The following CDH17 variants were observed in gnomAD, a reference collection of about 807,000 sequenced individuals.
The protein encoded by CDH17 is cadherin-17.
CDH17 carries 67 observed loss-of-function variants against 86.3 expected under a neutral mutation model. The observed-to-expected ratio is 0.78, with a 90% CI of 0.64 to 0.95. CDH17 has a LOEUF of 0.95. Among genes scored for constraint, CDH17 ranks in the 40% least tolerant of loss-of-function variants. The pLI is 0.00. For missense variants in CDH17, 993 were observed against 1,017.6 expected (o/e 0.98, Z 0.33); for synonymous variants, 367 against 366.4 (o/e 1.00, Z -0.02).
chr8:94,138,752 T>G (rs1196561689), intron 15 of CDH17, among the ~76,000 whole-genome samples: 5 of 152,208 alleles, frequency 3.3e-5, no homozygotes, highest in Non-Finnish European at 7.3e-5. Context: ...TCATAATTCA[T>G]GTGCTACCAG....
intron 12 of CDH17, among the ~76,000 whole-genome samples, chr8:94,157,426 G>A (rs1812967654): frequency 6.6e-6 from 1 of 152,136 alleles, no homozygotes; most frequent in Non-Finnish European, 1.5e-5. Flanking sequence ...AACATTTGGT[G>A]TGTCCTAATC....
At chr8:94,199,062 TATATATATATATATA>T (rs1563589421) in intron 1 of CDH17, among the ~76,000 whole-genome samples, 1 of 22,224 alleles carries the variant, frequency 4.5e-5, no homozygotes, top group African/African-American at 1.3e-4. Context: ...TATATATATA[TATATATATATATATA>T]TATATATTTT....
At chr8:94,136,500 A>G (rs955212999) in intron 15 of CDH17, among the ~76,000 whole-genome samples, 1 of 152,124 alleles carries the variant, frequency 6.6e-6, no homozygotes, top group South Asian at 2.1e-4. Context: ...CAGGTCATTT[A>G]AGGTCTTCTC....
chr8:94,160,243 A>G, intron 11 of CDH17, 81 bp from the exon 12 acceptor site: 1 of 1,077,624 alleles, frequency 9.3e-7, no homozygotes, highest in Non-Finnish European at 1.4e-6. Flanking sequence ...CTCTGGTTTC[A>G]GAATAGACAC....
chr8:94,175,234 A>T (rs549331762), intron 5 of CDH17, among the ~76,000 whole-genome samples: 2 of 152,214 alleles, frequency 1.3e-5, no homozygotes, highest in African/African-American at 4.8e-5. Context: ...GAGAATATAC[A>T]AGTCCTGAAA....
chr8:94,168,726 A>T (rs1813213854), intron 9 of CDH17, among the ~76,000 whole-genome samples: 1 of 152,172 alleles, frequency 6.6e-6, no homozygotes, highest in South Asian at 2.1e-4. Context: ...TCAGAAAACC[A>T]GCACTATCCT....
At position 94,172,877 on chromosome 8, in the gene CDH17, G is replaced by A. The variant is rs117465386; in HGVS notation, c.783+920C>T. On this transcript the variant is annotated intron_variant, in intron 7 of 17. Transcript: ENST00000027335. Reference sequence around the variant, plus strand: ...GGCACACACAGGAGATAGAGTGCCAGGGGTGAGGGAGTTTCCAAGGGGAAA... The same window carrying A: ...GGCACACACAGGAGATAGAGTGCCAAGGGTGAGGGAGTTTCCAAGGGGAAA... Among the ~76,000 whole-genome samples, 1,206 of 152,284 alleles carry A rather than the reference G, an allele frequency of 7.9e-3. 7 individuals are homozygous for A. Among genetic ancestry groups the A allele is most frequent in the Non-Finnish European group, 0.013 (865 of 68,016 alleles).
At position 94,165,747 on chromosome 8, in the gene CDH17, G is replaced by C. The variant is rs764500241; in HGVS notation, c.1282+14C>G. On this transcript the variant is annotated intron_variant, in intron 10 of 17. Transcript: ENST00000027335. ...ACAATGATTTGCACTCAAGACGGTG[G>C]ATATGATACTAACCTTTGTCAGACA... The C allele has an allele frequency of 6.5e-7, 1 of 1,539,830 alleles. No individual in the cohort carries two copies. Among genetic ancestry groups the C allele is most frequent in the East Asian group, 2.2e-5 (1 of 44,456 alleles).
At chr8:94,133,148 G>C (rs188273792) in intron 15 of CDH17, among the ~76,000 whole-genome samples, 1 of 152,068 alleles carries the variant, frequency 6.6e-6, no homozygotes, top group Non-Finnish European at 1.5e-5. Flanking sequence ...TTGGCAATGC[G>C]GGCTCTTTTT....
At chr8:94,153,677 C>T (rs906943806) in intron 12 of CDH17, among the ~76,000 whole-genome samples, 2 of 152,032 alleles carry the variant, frequency 1.3e-5, no homozygotes, top group African/African-American at 4.8e-5. Flanking sequence ...CACGCACACA[C>T]ATATATATAT....
rs2513797 is a variant in CDH17, at chr8:94,130,910, A to G, written c.2250T>C (p.Gly750=). The G allele has an allele frequency of 0.11, 181,198 of 1,608,716 alleles. 10,909 individuals are homozygous for G. Among genetic ancestry groups the G allele is most frequent in the Middle Eastern group, 0.16 (960 of 6,054 alleles). ...AAACAATGCCTTCCAAGGGTGGCCGACCCCCATCATTGATGCGGATCAAGA... is the reference window on the plus strand; with the variant it reads ...AAACAATGCCTTCCAAGGGTGGCCGGCCCCCATCATTGATGCGGATCAAGA... ...YVVLIRINDG[G]RPPLEGIVSL... The change falls in exon 16 of 18, where the codon GGT becomes GGC. Residue 750 remains glycine, a synonymous_variant. Transcript: ENST00000027335.
At position 94,146,014 on chromosome 8, in the gene CDH17, T is replaced by C; in HGVS notation, c.2081A>G (p.Asp694Gly). ...ATGGGGACCCCGAAATAAGTGCTGA[T>C]CATCATCAGTAGCCTCGAAAATGAG... is the stretch of plus-strand genomic sequence containing the variant. The part of the protein sequence containing the change: ...GSLIFEATDD[D>G]QHLFRGPHFT... Residue 694 changes from aspartate to glycine, a missense_variant, in exon 15 of 18, where the codon GAT becomes GGT. By Grantham distance (94) the Asp-to-Gly change is moderately conservative. Transcript: ENST00000027335. The C allele has an allele frequency of 6.2e-7, 1 of 1,613,890 alleles. No homozygotes were observed. Among genetic ancestry groups the C allele is most frequent in the Non-Finnish European group, 8.5e-7 (1 of 1,179,890 alleles).
chr8:94,180,022 A>G (rs1410994261), intron 3 of CDH17, among the ~76,000 whole-genome samples: 1 of 152,192 alleles, frequency 6.6e-6, no homozygotes, highest in Non-Finnish European at 1.5e-5. Context: ...AGATAGATTC[A>G]AAAACTAAAG....
In CDH17 at chr8:94,170,453, G is replaced by A; in HGVS notation, c.1010C>T (p.Pro337Leu). The change falls in exon 9 of 18, where the codon CCA (proline) becomes CTA (leucine). Residue 337 changes from proline to leucine, a missense_variant. Physicochemically the swap from Pro to Leu is moderately conservative, Grantham distance 98 (BLOSUM62 -3). Coordinates refer to ENST00000027335, the MANE Select transcript of CDH17 (RefSeq NM_004063.4). ...HVKVKDINDNPPTCPSPVTVF... is the reference protein window; with the variant it reads ...HVKVKDINDNLPTCPSPVTVF... ...GGTTACTGGTGACGGACATGTAGGT[G>A]GATTATCATTAATATCTTTAACTTT... is the stretch of plus-strand genomic sequence containing the variant. 1.2e-6 allele frequency: 2 copies of A among 1,613,744 alleles called. No homozygotes were observed. Among genetic ancestry groups the A allele is most frequent in the Non-Finnish European group, 1.7e-6 (2 of 1,179,752 alleles).
chr8:94,168,633 A>G (rs1813212134), intron 9 of CDH17, among the ~76,000 whole-genome samples: 1 of 152,152 alleles, frequency 6.6e-6, no homozygotes, highest in African/African-American at 2.4e-5. Flanking sequence ...ATATTTTTAC[A>G]AAATAAATTC....
At chr8:94,214,429 T>G (rs1392231825) in intron 1 of CDH17, among the ~76,000 whole-genome samples, 1 of 152,232 alleles carries the variant, frequency 6.6e-6, no homozygotes, top group African/African-American at 2.4e-5. Context: ...CTCTTTTTAG[T>G]AAATTGTGAA....
intron 1 of CDH17, among the ~76,000 whole-genome samples, chr8:94,198,550 T>C (rs1563589083): frequency 6.6e-6 from 1 of 152,164 alleles, no homozygotes; most frequent in Non-Finnish European, 1.5e-5. Context: ...AGTAAAAATA[T>C]AGGCAATAAT....
chr8:94,132,512 G>A (rs1283338142), intron 15 of CDH17, among the ~76,000 whole-genome samples: 2 of 152,156 alleles, frequency 1.3e-5, no homozygotes, highest in South Asian at 4.1e-4. Context: ...CTTTTTGATG[G>A]GGTCGTTTTT....
chr8:94,136,638 T>C (rs950202812), intron 15 of CDH17, among the ~76,000 whole-genome samples: 3 of 152,226 alleles, frequency 2.0e-5, no homozygotes, highest in Admixed American at 2.0e-4. Context: ...GAAGCCTGCT[T>C]CTGTCAACTC....
Sources: gnomAD v4.1 joint callset for allele counts (sites outside exome capture counted in the v4.1 genomes callset) on GRCh38, gnomAD v4.1.1 for gene constraint, MANE v1.5 for transcripts, NCBI Gene and HGNC (gene_info 2026-07-23, HGNC 2026-07-21) for gene names.